Variants in GPR176 observed in about 807,000 individuals in gnomAD.
The protein encoded by GPR176 is G protein-coupled receptor 176, also known as G-protein coupled receptor 176.
GPR176 carries 26 observed loss-of-function variants against 35.4 expected under a neutral mutation model. That is an observed-to-expected ratio of 0.74 (90% CI 0.54 to 1.02). GPR176 has a LOEUF of 1.02. Ranked by LOEUF, GPR176 falls within the 50% of genes least tolerant of loss-of-function variation. The probability of loss-of-function intolerance (pLI) is 0.00; values close to 1 mark genes in which losing one functional copy is unlikely to be tolerated. For missense variants in GPR176, 597 were observed against 665.3 expected (o/e 0.90, Z 1.13); for synonymous variants, 278 against 271.3 (o/e 1.02, Z -0.24).
chr15:39,867,464 G>T (rs2140835178), intron 1 of GPR176, among the ~76,000 whole-genome samples: 1 of 152,274 alleles, frequency 6.6e-6, no homozygotes, highest in Non-Finnish European at 1.5e-5. Flanking sequence ...GCCAGGAAAT[G>T]CCAAAGTCAT....
At chr15:39,914,478 T>C (rs780190861) in intron 1 of GPR176, among the ~76,000 whole-genome samples, 41 of 152,162 alleles carry the variant, frequency 2.7e-4, no homozygotes, top group Non-Finnish European at 3.8e-4. Context: ...CATGCCCGGC[T>C]AATTTTTGTA....
chr15:39,882,824 G>A (rs531701455), intron 1 of GPR176, among the ~76,000 whole-genome samples: 5 of 152,328 alleles, frequency 3.3e-5, no homozygotes, highest in African/African-American at 1.2e-4. Context: ...CACTGTGGTT[G>A]TCATCAAGGG....
At chr15:39,887,576 G>A (rs1275554095) in intron 1 of GPR176, among the ~76,000 whole-genome samples, 3 of 141,076 alleles carry the variant, frequency 2.1e-5, no homozygotes. Flanking sequence ...GATTTATGCA[G>A]CATCCAACAG....
intron 1 of GPR176, among the ~76,000 whole-genome samples, chr15:39,818,396 A>G (rs1236382790): frequency 2.0e-5 from 3 of 152,268 alleles, no homozygotes; most frequent in African/African-American, 7.2e-5. Context: ...TGAATATTAA[A>G]TAATTACTTT....
At position 39,801,012 on chromosome 15, in the gene GPR176, T is replaced by C. The variant is rs962190310; in HGVS notation, c.*120A>G. 18 of 809,918 alleles carry C rather than the reference T, an allele frequency of 2.2e-5. No homozygotes were observed. Among genetic ancestry groups the C allele is most frequent in the African/African-American group, 1.9e-4 (11 of 58,516 alleles). 50.2% of individuals were successfully genotyped at this position (809,918 alleles called of 1,614,324 possible). Reference sequence around the variant, plus strand: ...ATCATTCAAAAGCATCTGGCCCATATTGGAGGAATCAACTCACACTGAGTT... The same window carrying C: ...ATCATTCAAAAGCATCTGGCCCATACTGGAGGAATCAACTCACACTGAGTT... On this transcript the variant is annotated 3_prime_UTR_variant, in exon 3 of 3. Coordinates refer to ENST00000561100, the MANE Select transcript of GPR176 (RefSeq NM_007223.3).
intron 1 of GPR176, among the ~76,000 whole-genome samples, chr15:39,901,945 G>T (rs978938044): frequency 6.6e-6 from 1 of 151,798 alleles, no homozygotes; most frequent in Middle Eastern, 3.4e-3. Flanking sequence ...TTAGCCAGAC[G>T]TGGTGGTGCA....
chr15:39,879,152 C>G (rs1349846893), intron 1 of GPR176, among the ~76,000 whole-genome samples: 1 of 152,198 alleles, frequency 6.6e-6, no homozygotes, highest in Non-Finnish European at 1.5e-5. Context: ...TGGGCCTACC[C>G]CTCACTTAAA....
chr15:39,880,638 A>C lies in GPR176; in HGVS notation c.172+39217T>G, dbSNP rs749380836. Among the ~76,000 whole-genome samples the C allele has an allele frequency of 2.6e-5, 4 of 151,964 alleles. No homozygotes were observed. In the South Asian group the frequency reaches 6.2e-4, roughly 24 times the overall value. On this transcript the variant is annotated intron_variant, in intron 1 of 2. Coordinates refer to ENST00000561100, the MANE Select transcript of GPR176 (RefSeq NM_007223.3). ...TTATTTTACCCCACCTGCTTCTCCT[A>C]AACTCAATCTCTTTCACACTCTCTC...
intron 1 of GPR176, among the ~76,000 whole-genome samples, chr15:39,880,466 A>G (rs544526658): frequency 1.4e-5 from 1 of 70,274 alleles, no homozygotes; most frequent in Non-Finnish European, 2.7e-5. Flanking sequence ...ATCTACTCTC[A>G]TGGTTTGAGC....
chr15:39,848,278 A>T (rs2030589994), intron 1 of GPR176, among the ~76,000 whole-genome samples: 2 of 152,312 alleles, frequency 1.3e-5, no homozygotes, highest in South Asian at 4.1e-4. Flanking sequence ...AAGATATAGT[A>T]ATCCTAAATG....
intron 1 of GPR176, among the ~76,000 whole-genome samples, chr15:39,907,410 G>A (rs1294461794): frequency 1.3e-5 from 2 of 152,214 alleles, no homozygotes; most frequent in Admixed American, 6.5e-5. Flanking sequence ...GCTTGGATCA[G>A]CTGAGGACAC....
intron 1 of GPR176, among the ~76,000 whole-genome samples, chr15:39,885,301 C>T (rs918673080): frequency 6.4e-4 from 97 of 152,306 alleles, no homozygotes; most frequent in African/African-American, 2.3e-3. Flanking sequence ...GTGTTTCCTG[C>T]CAATTCCACA....
chr15:39,884,721 G>C (rs926407201), intron 1 of GPR176, among the ~76,000 whole-genome samples: 3 of 152,108 alleles, frequency 2.0e-5, no homozygotes, highest in Non-Finnish European at 4.4e-5. Context: ...TCAAGGCCAA[G>C]GGCAAAAGAC....
intron 1 of GPR176, among the ~76,000 whole-genome samples, chr15:39,918,099 G>A (rs919374779): frequency 6.7e-6 from 1 of 149,456 alleles, no homozygotes; most frequent in East Asian, 1.9e-4. Context: ...TAGATCAAGA[G>A]GAAATCAGTT....
At chr15:39,861,610 C>G (rs1332924899) in intron 1 of GPR176, among the ~76,000 whole-genome samples, 2 of 151,842 alleles carry the variant, frequency 1.3e-5, no homozygotes, top group Admixed American at 6.6e-5. Context: ...TTTAACCTGG[C>G]TTTGCAAGAT....
chr15:39,896,183 T>C (rs1291338802), intron 1 of GPR176, among the ~76,000 whole-genome samples: 1 of 152,146 alleles, frequency 6.6e-6, no homozygotes, highest in African/African-American at 2.4e-5. Flanking sequence ...GCCTCTTGAG[T>C]AGCTGGGACT....
Position 39,801,681 on chromosome 15 carries a change from C to G in GPR176, c.999G>C (p.Gly333=). The G allele has an allele frequency of 6.2e-7, 1 of 1,613,618 alleles. No individual in the cohort carries two copies. Among genetic ancestry groups the G allele is most frequent in the African/African-American group, 1.3e-5 (1 of 74,966 alleles). Residue 333 remains glycine (G), a synonymous_variant, in exon 3 of 3, where the codon GGG becomes GGC. Transcript: ENST00000561100. ...ACCGGTGGTGTAGTTGCACCAGGGT[C>G]CCTATCAAGCACTTGCGGACAGATT... ...VNKSVRKCLI[G]TLVQLHHRYS... is the part of the protein sequence containing the mutation.
chr15:39,894,903 G>C (rs13310071), intron 1 of GPR176, among the ~76,000 whole-genome samples: 13 of 152,066 alleles, frequency 8.5e-5, no homozygotes, highest in Non-Finnish European at 1.6e-4. Context: ...AGGTTGTAGC[G>C]AGCCGAGATC....
intron 1 of GPR176, among the ~76,000 whole-genome samples, chr15:39,897,499 C>T (rs1026591855): frequency 7.9e-5 from 12 of 152,148 alleles, no homozygotes; most frequent in African/African-American, 2.9e-4. Context: ...TCACCCTCCA[C>T]CTTTCACCAT....
Sources: allele counts gnomAD v4.1 joint callset (sites outside exome capture counted in the v4.1 genomes callset), GRCh38; gene constraint gnomAD v4.1.1; transcripts MANE v1.5; gene names NCBI Gene and HGNC (gene_info 2026-07-23, HGNC 2026-07-21).